CFDP1: variants seen among roughly 807,000 people sequenced by gnomAD.
The protein encoded by CFDP1 is chromatin remodeling protein CFDP1, also known as heterochromatin-stabilizing protein CFDP1.
In CFDP1, 31 loss-of-function variants were observed where a neutral mutation model predicts 40.1. The observed-to-expected ratio is 0.77, with a 90% confidence interval of 0.58 to 1.04. The LOEUF is 1.04. CFDP1 is among the 50% of genes least tolerant of loss of function. The probability of loss-of-function intolerance (pLI) is 0.00; values close to 1 mark genes in which losing one functional copy is unlikely to be tolerated. For missense variants in CFDP1, 423 were observed against 343.4 expected, an observed-to-expected ratio of 1.23 and a Z score of -1.83; for synonymous variants, 167 against 120.0, an observed-to-expected ratio of 1.39 and a Z score of -2.56.
chr16:75,361,917 C>T (rs1477733077), intron 5 of CFDP1, among the ~76,000 whole-genome samples: 2 of 152,098 alleles, frequency 1.3e-5, no homozygotes, highest in South Asian at 2.1e-4. Context: ...TATTCTGCTA[C>T]GGCATGAGCT....
intron 5 of CFDP1, among the ~76,000 whole-genome samples, chr16:75,366,947 T>C (rs2151535752): frequency 6.6e-6 from 1 of 152,090 alleles, no homozygotes; most frequent in South Asian, 2.1e-4. Flanking sequence ...GTGGATCACG[T>C]GAGGTCAGGA....
intron 5 of CFDP1, among the ~76,000 whole-genome samples, chr16:75,319,906 C>G (rs2078350073): frequency 6.6e-6 from 1 of 152,188 alleles, no homozygotes; most frequent in Admixed American, 6.5e-5. Context: ...TATTCGTTTC[C>G]ACGTAGTTTG....
At chr16:75,305,872 G>A (rs975317851) in intron 5 of CFDP1, among the ~76,000 whole-genome samples, 7 of 152,180 alleles carry the variant, frequency 4.6e-5, no homozygotes, top group Admixed American at 2.6e-4. Flanking sequence ...TCCTCACTCC[G>A]AAAGCTCACA....
intron 4 of CFDP1, among the ~76,000 whole-genome samples, chr16:75,401,827 A>G (rs2079057280): frequency 6.7e-6 from 1 of 148,286 alleles, no homozygotes; most frequent in South Asian, 2.2e-4. Flanking sequence ...CCTAGATCCA[A>G]GCACTGTTAG....
intron 6 of CFDP1, among the ~76,000 whole-genome samples, chr16:75,300,778 A>G (rs1353204010): frequency 6.6e-6 from 1 of 151,624 alleles, no homozygotes; most frequent in Non-Finnish European, 1.5e-5. Context: ...TGGAATGGTC[A>G]GGGCAGGGGA....
At chr16:75,312,139 C>T (rs1377930875) in intron 5 of CFDP1, among the ~76,000 whole-genome samples, 1 of 152,148 alleles carries the variant, frequency 6.6e-6, no homozygotes, top group Non-Finnish European at 1.5e-5. Context: ...CACTACTCAC[C>T]TGTATAAATC....
At chr16:75,370,268 T>A (rs1002117716) in intron 5 of CFDP1, among the ~76,000 whole-genome samples, 2 of 151,826 alleles carry the variant, frequency 1.3e-5, no homozygotes, top group African/African-American at 4.8e-5. Flanking sequence ...AATTTTTGTA[T>A]TTTTAGTAGA....
At position 75,405,026 on chromosome 16, in the gene CFDP1, A is replaced by G. The variant is rs373044991; in HGVS notation, c.530+6799T>C. On this transcript the variant is annotated intron_variant, in intron 4 of 6. Coordinates refer to ENST00000283882, the MANE Select transcript of CFDP1 (RefSeq NM_006324.3). ...CTGCAAAACTACCTGTTATTGGTCC[A>G]AGATGAGATGGGCACAGAAATTGTG... is the stretch of plus-strand genomic sequence containing the variant. Among the ~76,000 whole-genome samples the G allele has an allele frequency of 5.9e-5, 9 of 152,350 alleles. No homozygotes were observed. The East Asian group carries it at 1.5e-3, about 26-fold the overall frequency.
Position 75,297,538 on chromosome 16 carries a change from A to G in CFDP1, c.810-3496T>C, listed in dbSNP as rs1187939573. Reference sequence around the variant, plus strand: ...CCACCTGAGGACAAGTGCAATGGGAATCACGGCTCTTGCTCTTGATGTGTC... The same window carrying G: ...CCACCTGAGGACAAGTGCAATGGGAGTCACGGCTCTTGCTCTTGATGTGTC... On this transcript the variant is annotated intron_variant, in intron 6 of 6. Coordinates refer to ENST00000283882, the MANE Select transcript of CFDP1 (RefSeq NM_006324.3). Among the ~76,000 whole-genome samples the G allele has an allele frequency of 2.0e-5, 3 of 152,276 alleles. No individual in the cohort carries two copies. In the East Asian group the frequency reaches 5.8e-4, roughly 29 times the overall value.
At chr16:75,323,220 T>C (rs934206891) in intron 5 of CFDP1, among the ~76,000 whole-genome samples, 7 of 151,524 alleles carry the variant, frequency 4.6e-5, no homozygotes, top group African/African-American at 1.7e-4. Context: ...TTTTTACTTT[T>C]TAACGTTAAA....
At chr16:75,304,886 G>T (rs990585190) in intron 6 of CFDP1, 138 bp downstream of exon 6, 16 of 942,574 alleles carry the variant, frequency 1.7e-5, no homozygotes, top group Non-Finnish European at 2.4e-5. Context: ...GAGACTTACT[G>T]ACAAACCAAA....
chr16:75,395,361 C>T, intron 4 of CFDP1, 152 bp from the exon 5 acceptor site: 1 of 809,874 alleles, frequency 1.2e-6, no homozygotes. Context: ...CTATAACTTT[C>T]AATAAAGACA....
intron 5 of CFDP1, among the ~76,000 whole-genome samples, chr16:75,330,197 C>T (rs1050147027): frequency 6.6e-6 from 1 of 151,326 alleles, no homozygotes; most frequent in Non-Finnish European, 1.5e-5. Flanking sequence ...ATTATCCACA[C>T]ATTATGGCTT....
chr16:75,366,103 T>C (rs1253452151), intron 5 of CFDP1, among the ~76,000 whole-genome samples: 2 of 152,194 alleles, frequency 1.3e-5, no homozygotes, highest in African/African-American at 4.8e-5. Context: ...CAGCATTATT[T>C]AAAAAGCCAA....
intron 1 of CFDP1, among the ~76,000 whole-genome samples, chr16:75,418,644 C>T (rs953178807): frequency 6.6e-6 from 1 of 151,102 alleles, no homozygotes; most frequent in Non-Finnish European, 1.5e-5. Flanking sequence ...TTGTCCACTA[C>T]ACAAACGGCA....
intron 4 of CFDP1, among the ~76,000 whole-genome samples, chr16:75,402,517 G>C (rs560594179): frequency 4.9e-4 from 75 of 152,206 alleles, no homozygotes; most frequent in African/African-American, 1.7e-3. Flanking sequence ...AATGATCAAA[G>C]CCCAAAATTT....
intron 1 of CFDP1, among the ~76,000 whole-genome samples, chr16:75,417,380 C>T (rs539330076): frequency 2.0e-5 from 3 of 152,090 alleles, no homozygotes; most frequent in African/African-American, 4.8e-5. Flanking sequence ...TAATGGAATA[C>T]CACAGTCATT....
intron 5 of CFDP1, among the ~76,000 whole-genome samples, chr16:75,336,160 T>C (rs2078486442): frequency 6.6e-6 from 1 of 152,196 alleles, no homozygotes; most frequent in South Asian, 2.1e-4. Flanking sequence ...AAGCAAACAC[T>C]GAGCACTTTC....
chr16:75,405,780 G>A (rs1361520784), intron 4 of CFDP1, among the ~76,000 whole-genome samples: 12 of 149,166 alleles, frequency 8.0e-5, no homozygotes, highest in African/African-American at 1.2e-4. Flanking sequence ...TGAGCCAGGC[G>A]TGGTGGTATG....
Sources: allele counts gnomAD v4.1 joint callset (sites outside exome capture counted in the v4.1 genomes callset), GRCh38; gene constraint gnomAD v4.1.1; transcripts MANE v1.5; gene names NCBI Gene and HGNC (gene_info 2026-07-23, HGNC 2026-07-21).